The following TMEM74 variants were observed in gnomAD, a reference collection of about 807,000 sequenced individuals.
TMEM74 encodes the protein transmembrane protein 74.
In TMEM74, 13 loss-of-function variants were observed where a neutral mutation model predicts 18.1. The observed-to-expected ratio is 0.72, with a 90% CI of 0.47 to 1.14. The LOEUF (loss-of-function observed/expected upper bound fraction) is 1.14. Ranked by LOEUF, TMEM74 falls within the 50% of genes most tolerant of loss-of-function variation. TMEM74 has a pLI of 0.00. For missense variants in TMEM74, 372 were observed against 375.9 expected, an observed-to-expected ratio of 0.99 and a Z score of 0.09; for synonymous variants, 159 against 146.6, an observed-to-expected ratio of 1.08 and a Z score of -0.61.
intron 1 of TMEM74, among the ~76,000 whole-genome samples, chr8:108,734,759 G>A (rs968522327): frequency 2.0e-5 from 3 of 152,114 alleles, no homozygotes; most frequent in Non-Finnish European, 2.9e-5. Flanking sequence ...GTTCATCCTC[G>A]CATCAATTCA....
chr8:108,681,029 A>G (rs1038895604), intron 1 of TMEM74, among the ~76,000 whole-genome samples: 6 of 152,234 alleles, frequency 3.9e-5, no homozygotes, highest in African/African-American at 1.4e-4. Flanking sequence ...ATACAAACAA[A>G]TGGAAGAGCA....
intron 2 of TMEM74, among the ~76,000 whole-genome samples, chr8:108,618,390 C>A (rs1450569817): frequency 3.9e-5 from 6 of 152,096 alleles, no homozygotes; most frequent in African/African-American, 1.4e-4. Context: ...ACTCAAACTT[C>A]ACTGTAAATG....
At position 108,785,001 on chromosome 8, in the gene TMEM74, G is replaced by A. The variant is rs1814363749; in HGVS notation, c.98C>T (p.Thr33Ile). 1.2e-6 allele frequency: 2 copies of A among 1,614,072 alleles called. No homozygotes were observed. Among genetic ancestry groups the A allele is most frequent in the African/African-American group, 1.3e-5 (1 of 74,926 alleles). The stretch of plus-strand genomic sequence containing the variant: ...GCAGAGAGCAGCTCTTGTGGCTGCT[G>A]TATCTGCCTGGTCACCAGGCAGCCC... ...SRGLPGDQADTAATRAALCCQ... is the reference protein window; with the variant it reads ...SRGLPGDQADIAATRAALCCQ... Residue 33 changes from threonine to isoleucine, a missense_variant, in exon 2 of 2, where the codon ACA (threonine) becomes ATA (isoleucine). Thr to Ile is a moderately conservative substitution (Grantham distance 89, BLOSUM62 -1). Transcript: ENST00000297459.
chr8:108,700,169 T>TGTGTGTGTC (rs1813321823), intron 1 of TMEM74, among the ~76,000 whole-genome samples: 1 of 62,536 alleles, frequency 1.6e-5, no homozygotes, highest in Non-Finnish European at 3.1e-5. Context: ...GTGTGTGTGT[T>TGTGTGTGTC]CATTGTGGGG....
At chr8:108,627,649 T>C (rs1046419614) in intron 2 of TMEM74, among the ~76,000 whole-genome samples, 1 of 151,980 alleles carries the variant, frequency 6.6e-6, no homozygotes, top group African/African-American at 2.4e-5. Context: ...TGCAATGTGG[T>C]CACTAAAGGA....
At chr8:108,749,079 C>T (rs183214588) in intron 1 of TMEM74, among the ~76,000 whole-genome samples, 12 of 152,098 alleles carry the variant, frequency 7.9e-5, no homozygotes, top group Non-Finnish European at 1.8e-4. Context: ...GGTAGTGTGA[C>T]ACCTCCAGTT....
chr8:108,773,542 TG>T (rs1231429491), intron 1 of TMEM74, among the ~76,000 whole-genome samples: 3 of 152,154 alleles, frequency 2.0e-5, no homozygotes. Context: ...TCCTGGACTG[TG>T]GGCTGGAGTT....
At chr8:108,623,450 G>T (rs1429649673) in intron 2 of TMEM74, among the ~76,000 whole-genome samples, 6 of 152,016 alleles carry the variant, frequency 3.9e-5, no homozygotes, top group African/African-American at 1.4e-4. Flanking sequence ...TTCATTGCTG[G>T]TCTCCAGTAT....
intron 1 of TMEM74, among the ~76,000 whole-genome samples, chr8:108,676,352 C>G (rs920239459): frequency 2.0e-5 from 3 of 152,178 alleles, no homozygotes; most frequent in Admixed American, 1.3e-4. Context: ...CTATCTTCAT[C>G]TCCTATGACT....
chr8:108,786,807 G>A (rs192841988), intron 1 of TMEM74, among the ~76,000 whole-genome samples: 1 of 152,208 alleles, frequency 6.6e-6, no homozygotes, highest in East Asian at 1.9e-4. Flanking sequence ...GCCTACCTTG[G>A]ATAAAATCAG....
At chr8:108,739,797 A>G (rs1468781584) in intron 1 of TMEM74, among the ~76,000 whole-genome samples, 1 of 152,006 alleles carries the variant, frequency 6.6e-6, no homozygotes, top group Non-Finnish European at 1.5e-5. Flanking sequence ...CTCTTCAGGT[A>G]GCTTCTCCTT....
chr8:108,777,481 A>G (rs1183990202), downstream of TMEM74, among the ~76,000 whole-genome samples: 1 of 152,184 alleles, frequency 6.6e-6, no homozygotes, highest in African/African-American at 2.4e-5. Flanking sequence ...GTTTTGACAT[A>G]TATTTTGATA....
intron 1 of TMEM74, among the ~76,000 whole-genome samples, chr8:108,687,502 A>C (rs1443811062): frequency 2.0e-5 from 3 of 152,106 alleles, no homozygotes; most frequent in Non-Finnish European, 4.4e-5. Context: ...TGATTCAAGC[A>C]CATTACGCTC....
At chr8:108,756,590 A>AAG (rs1392916341) in intron 1 of TMEM74, among the ~76,000 whole-genome samples, 95 of 103,524 alleles carry the variant, frequency 9.2e-4, no homozygotes, top group African/African-American at 1.5e-3. Flanking sequence ...GAAAGAAAGA[A>AAG]AGAAAGAGAA....
chr8:108,670,036 A>T (rs1034178382), intron 1 of TMEM74, among the ~76,000 whole-genome samples: 8 of 34,770 alleles, frequency 2.3e-4, no homozygotes, highest in Non-Finnish European at 3.8e-4. Flanking sequence ...AGATTCTGTG[A>T]AAAAAAAAAA....
intron 2 of TMEM74, among the ~76,000 whole-genome samples, chr8:108,651,417 C>T (rs1161647545): frequency 6.6e-6 from 1 of 152,134 alleles, no homozygotes; most frequent in Non-Finnish European, 1.5e-5. Context: ...CTGTAATTAA[C>T]AATCACTAAT....
At chr8:108,772,145 C>T (rs1814180373) in intron 1 of TMEM74, among the ~76,000 whole-genome samples, 1 of 151,850 alleles carries the variant, frequency 6.6e-6, no homozygotes, top group African/African-American at 2.4e-5. Flanking sequence ...TTTATTAAGA[C>T]ATACCTTAGC....
chr8:108,680,099 T>G (rs551874466), intron 1 of TMEM74, among the ~76,000 whole-genome samples: 1 of 152,300 alleles, frequency 6.6e-6, no homozygotes, highest in African/African-American at 2.4e-5. Context: ...AAGGAGGAGC[T>G]GATACCATTC....
chr8:108,688,148 G>T (rs1290327317), intron 1 of TMEM74, among the ~76,000 whole-genome samples: 1 of 152,152 alleles, frequency 6.6e-6, no homozygotes, highest in Non-Finnish European at 1.5e-5. Context: ...GATCGATAAT[G>T]GCCAATGCTG....
Sources: gnomAD v4.1 joint callset for allele counts (sites outside exome capture counted in the v4.1 genomes callset) on GRCh38, gnomAD v4.1.1 for gene constraint, MANE v1.5 for transcripts, NCBI Gene and HGNC (gene_info 2026-07-23, HGNC 2026-07-21) for gene names.